Variants in PRSS57 observed in about 807,000 individuals in gnomAD.
PRSS57 encodes neutrophil serine protease 4.
PRSS57 carries 19 observed loss-of-function variants against 20.6 expected under a neutral mutation model. That is an observed-to-expected ratio of 0.92 (90% CI 0.64 to 1.35). PRSS57 has a LOEUF of 1.35. Among genes scored for constraint, PRSS57 ranks in the 40% most tolerant of loss-of-function variants. The pLI is 0.00. For synonymous variants in PRSS57, 203 were observed against 176.6 expected, an observed-to-expected ratio of 1.15 and a Z score of -1.19; for missense variants, 440 against 403.7, an observed-to-expected ratio of 1.09 and a Z score of -0.77.
chr19:688,602 C>CTTTT (rs11451021), intron 3 of PRSS57, among the ~76,000 whole-genome samples: 18,673 of 109,830 alleles, frequency 0.17, 2,457 homozygotes, highest in African/African-American at 0.23. Flanking sequence ...CACCCAGGGA[C>CTTTT]TTTTTTTTTT....
chr19:693,707 T>C (rs901700348), intron 2 of PRSS57, among the ~76,000 whole-genome samples: 1 of 151,918 alleles, frequency 6.6e-6, no homozygotes. Flanking sequence ...TAGCTGGGGA[T>C]ACGTACAGCC....
chr19:695,017 C>T (rs769670306), intron 1 of PRSS57, 50 bp from the exon 2 acceptor site: 37 of 1,469,090 alleles, frequency 2.5e-5, no homozygotes, highest in African/African-American at 2.0e-4. Flanking sequence ...GAACGGATGA[C>T]GGGGCTGGGG....
At chr19:686,877 C>A (rs545033340) in intron 4 of PRSS57, 48 bp downstream of exon 4, 1 of 1,576,762 alleles carries the variant, frequency 6.3e-7, no homozygotes, top group African/African-American at 1.3e-5. Context: ...CTCTGTGGGC[C>A]TTGGTTTCCC....
intron 2 of PRSS57, among the ~76,000 whole-genome samples, chr19:692,566 G>A (rs183446781): frequency 3.4e-4 from 52 of 151,408 alleles, no homozygotes; most frequent in African/African-American, 1.2e-3. Context: ...ACAGGCGTGC[G>A]CCACCACTCC....
At chr19:690,845 G>A (rs557632553) in intron 3 of PRSS57, 13 of 351,060 alleles carry the variant, frequency 3.7e-5, no homozygotes, top group African/African-American at 2.0e-4. Context: ...GCCCTACACC[G>A]TCCCTGGCAA....
chr19:689,515 A>C (rs1447023571), intron 3 of PRSS57, among the ~76,000 whole-genome samples: 2 of 152,068 alleles, frequency 1.3e-5, no homozygotes, highest in East Asian at 3.9e-4. Flanking sequence ...GGTGACAGGC[A>C]TGGATTAGCA....
At chr19:689,571 C>G (rs2031580133) in intron 3 of PRSS57, among the ~76,000 whole-genome samples, 1 of 151,778 alleles carries the variant, frequency 6.6e-6, no homozygotes, top group African/African-American at 2.4e-5. Flanking sequence ...AGGTGGGAGC[C>G]ACTGGGGGGT....
At chr19:694,413 CA>C (rs2031730704) in intron 2 of PRSS57, among the ~76,000 whole-genome samples, 1 of 151,560 alleles carries the variant, frequency 6.6e-6, no homozygotes, top group Admixed American at 6.6e-5. Context: ...ACTAAAAATG[CA>C]AAAATTAGCC....
At chr19:687,254 T>G (rs2031508263) in intron 3 of PRSS57, 66 bp from the exon 4 acceptor site, 1 of 1,430,520 alleles carries the variant, frequency 7.0e-7, no homozygotes, top group African/African-American at 1.4e-5. Context: ...CCTCAGTTTA[T>G]CCATGGGACC....
At chr19:691,809 A>C (rs758061369) in intron 3 of PRSS57, 49 bp downstream of exon 3, 1 of 1,314,392 alleles carries the variant, frequency 7.6e-7, no homozygotes, top group African/African-American at 1.5e-5. Flanking sequence ...ACAGAGCGAG[A>C]GACTGTCTCA....
chr19:688,552 C>T (rs1395510281), intron 3 of PRSS57, among the ~76,000 whole-genome samples: 2 of 149,110 alleles, frequency 1.3e-5, no homozygotes, highest in Non-Finnish European at 3.0e-5. Context: ...TGCATGGATG[C>T]ACCACGTGTG....
In PRSS57 at chr19:692,092, G is replaced by C. The variant is rs569296383; in HGVS notation, c.234-90C>G. The stretch of plus-strand genomic sequence containing the variant: ...CATCTATGAAACGGAGGCCCAGGCC[G>C]GGCACGGTGGCTCACGCCTGTAATC... On this transcript the variant is annotated intron_variant, in intron 2 of 4. Coordinates refer to ENST00000329267, the MANE Select transcript of PRSS57 (RefSeq NM_001308209.2). The C allele has an allele frequency of 4.1e-5, 49 of 1,207,424 alleles. 1 individual carries two copies. The Middle Eastern group carries it at 1.3e-3, about 31-fold the overall frequency. 74.8% of individuals were successfully genotyped at this position (1,207,424 alleles called of 1,614,324 possible). A position where few individuals can be genotyped will look rare whatever the true frequency, so the allele number is the denominator to read the frequency against.
chr19:689,729 G>A (rs1212953455), intron 3 of PRSS57, among the ~76,000 whole-genome samples: 1 of 152,062 alleles, frequency 6.6e-6, no homozygotes, highest in Non-Finnish European at 1.5e-5. Flanking sequence ...GACCAGCCTG[G>A]GCAACATGGT....
In PRSS57 at chr19:686,887, C is replaced by T. The variant is rs774614959; in HGVS notation, c.642+38G>A. ...ACCCTCTCTGTGGGCCTTGGTTTCC[C>T]CACACAGTAAGTGGGTGGAGCAGGG... On this transcript the variant is annotated intron_variant, in intron 4 of 4. Coordinates refer to ENST00000329267, the MANE Select transcript of PRSS57 (RefSeq NM_001308209.2). 2.5e-6 allele frequency: 4 copies of T among 1,589,076 alleles called. No individual in the cohort carries two copies. In the Admixed American group the frequency reaches 6.9e-5, roughly 28 times the overall value.
chr19:693,638 G>C (rs375066409), intron 2 of PRSS57, among the ~76,000 whole-genome samples: 1 of 151,976 alleles, frequency 6.6e-6, no homozygotes, highest in Non-Finnish European at 1.5e-5. Context: ...GTGCCATCTC[G>C]GCTCACTGCC....
chr19:687,721 A>C (rs1213940358), intron 3 of PRSS57, among the ~76,000 whole-genome samples: 2 of 151,206 alleles, frequency 1.3e-5, no homozygotes, highest in Non-Finnish European at 3.0e-5. Context: ...AGTCTTTCAA[A>C]CTCCATCTCC....
At chr19:694,757 T>C (rs2031739929) in intron 2 of PRSS57, 57 bp downstream of exon 2, 4 of 1,515,344 alleles carry the variant, frequency 2.6e-6, no homozygotes, top group Non-Finnish European at 2.7e-6. Flanking sequence ...CAGCCTGGAG[T>C]CCCCCTCATG....
intron 1 of PRSS57, 44 bp from the exon 2 acceptor site, chr19:695,011 G>T: frequency 6.8e-7 from 1 of 1,478,280 alleles, no homozygotes; most frequent in Non-Finnish European, 9.0e-7. Context: ...CGGGAGGAAC[G>T]GATGACGGGG....
chr19:686,094 G>A (rs2031468048), intron 4 of PRSS57, among the ~76,000 whole-genome samples, 172 bp from the exon 5 acceptor site: 1 of 151,734 alleles, frequency 6.6e-6, no homozygotes, highest in South Asian at 2.1e-4. Context: ...CCACTTCTCT[G>A]CCCTCCCCGC....
Sources: gnomAD v4.1 joint callset for allele counts (sites outside exome capture counted in the v4.1 genomes callset) on GRCh38, gnomAD v4.1.1 for gene constraint, MANE v1.5 for transcripts, NCBI Gene and HGNC (gene_info 2026-07-23, HGNC 2026-07-21) for gene names.